CREB1: variants seen among roughly 807,000 people sequenced by gnomAD.
CREB1 encodes cAMP responsive element binding protein 1, also known as cyclic AMP-responsive element-binding protein 1.
CREB1 carries 2 observed loss-of-function variants against 42.0 expected under a neutral mutation model. That is an observed-to-expected ratio of 0.05 (90% CI 0.02 to 0.15). The LOEUF is 0.15. CREB1 is among the 10% of genes least tolerant of loss of function. The pLI, the probability that CREB1 is intolerant of heterozygous loss-of-function variation, is 1.00. For synonymous variants in CREB1, 123 were observed against 139.9 expected (o/e 0.88, Z 0.85); for missense variants, 199 against 388.9 (o/e 0.51, Z 4.11).
Position 207,598,728 on chromosome 2 carries a change from T to C in CREB1, c.*1670T>C, listed in dbSNP as rs900464131. 1.3e-4 allele frequency: 22 copies of C among 164,442 alleles called. No homozygotes were observed. The highest frequency in any genetic ancestry group is 4.3e-4 in the African/African-American group (18 of 41,792). 10.2% of individuals were successfully genotyped at this position (164,442 alleles called of 1,614,324 possible). A position where few individuals can be genotyped will look rare whatever the true frequency, so the allele number is the denominator to read the frequency against. On this transcript the variant is annotated 3_prime_UTR_variant, in exon 8 of 8. Coordinates refer to ENST00000353267, the MANE Select transcript of CREB1 (RefSeq NM_004379.5). ...CAGGCGTGGTGGCTGGCGCCTGTAA[T>C]CCCAGCTACTCAGGAGGTTGAGGCA...
At position 207,604,095 on chromosome 2, in the gene CREB1, A is replaced by C. The variant is rs2087626587; in HGVS notation, c.*7037A>C. On this transcript the variant is annotated 3_prime_UTR_variant, in exon 8 of 8. Coordinates refer to ENST00000353267, the MANE Select transcript of CREB1 (RefSeq NM_004379.5). The stretch of plus-strand genomic sequence containing the variant: ...ATTAATTACATGAGGGACAATAGGC[A>C]TGAACTAGGATTGTTCTAAGCAAAT... 6.6e-6 allele frequency among the ~76,000 whole-genome samples: 1 copy of C among 152,222 alleles called. No homozygotes were observed. The highest frequency in any genetic ancestry group is 2.4e-5 in the African/African-American group (1 of 41,460).
At chr2:207,533,213 A>AT (rs35303892) in intron 1 of CREB1, among the ~76,000 whole-genome samples, 33,141 of 150,044 alleles carry the variant, frequency 0.22, 3,601 homozygotes, top group South Asian at 0.26. Flanking sequence ...GTTTTGAATG[A>AT]TTTTTTTTTT....
At chr2:207,591,100 C>T (rs1374598885) in intron 7 of CREB1, among the ~76,000 whole-genome samples, 1 of 152,162 alleles carries the variant, frequency 6.6e-6, no homozygotes, top group African/African-American at 2.4e-5. Context: ...AGTATCATAT[C>T]AATGTCAGAT....
chr2:207,571,298 C>T (rs960820851), intron 5 of CREB1, among the ~76,000 whole-genome samples: 2 of 151,752 alleles, frequency 1.3e-5, no homozygotes, highest in African/African-American at 4.8e-5. Flanking sequence ...TCACTTGAGC[C>T]ATCCAGGAGT....
At chr2:207,580,248 A>G (rs1319471694) in intron 7 of CREB1, among the ~76,000 whole-genome samples, 1 of 152,178 alleles carries the variant, frequency 6.6e-6, no homozygotes, top group Admixed American at 6.5e-5. Context: ...AAACCTGTAA[A>G]CATGCTACTT....
chr2:207,546,891 C>G (rs1458049963), intron 1 of CREB1, among the ~76,000 whole-genome samples: 1 of 152,112 alleles, frequency 6.6e-6, no homozygotes, highest in Non-Finnish European at 1.5e-5. Context: ...TTTTCCTTTG[C>G]TGTTTGACTA....
intron 7 of CREB1, among the ~76,000 whole-genome samples, chr2:207,587,710 CAT>C (rs2084144935): frequency 1.3e-5 from 2 of 152,148 alleles, no homozygotes; most frequent in Non-Finnish European, 2.9e-5. Flanking sequence ...ATAAATACCA[CAT>C]GTTCTCACTC....
chr2:207,601,794 C>A lies in CREB1; in HGVS notation c.*4736C>A, dbSNP rs1208147919. On this transcript the variant is annotated 3_prime_UTR_variant, in exon 8 of 8. Transcript: ENST00000353267. Reference sequence around the variant, plus strand: ...AGAAAGTAAAGTGTGCATAGTAAGGCTGTAGGTGAAGAGTTGTGAGATAAA... The same window carrying A: ...AGAAAGTAAAGTGTGCATAGTAAGGATGTAGGTGAAGAGTTGTGAGATAAA... 4.6e-6 allele frequency: 1 copy of A among 218,734 alleles called. No individual in the cohort carries two copies. The highest frequency in any genetic ancestry group is 9.2e-6 in the Non-Finnish European group (1 of 109,036). 13.5% of individuals were successfully genotyped at this position (218,734 alleles called of 1,614,324 possible).
intron 1 of CREB1, among the ~76,000 whole-genome samples, chr2:207,548,869 G>A (rs1325020826): frequency 6.6e-6 from 1 of 152,070 alleles, no homozygotes; most frequent in East Asian, 1.9e-4. Context: ...GTTTATAAAA[G>A]TAAACAAATT....
chr2:207,580,745 A>C (rs1046663949), intron 7 of CREB1: 1 of 224,656 alleles, frequency 4.5e-6, no homozygotes, highest in Non-Finnish European at 8.9e-6. Flanking sequence ...ACAACCACGA[A>C]TCTCAGTGTC....
In CREB1 at chr2:207,535,083, C is replaced by A. The variant is rs533612751; in HGVS notation, c.-9+4949C>A. Among the ~76,000 whole-genome samples, 26 of 152,202 alleles carry A rather than the reference C, an allele frequency of 1.7e-4. No individual in the cohort carries two copies. In the South Asian group the frequency reaches 4.2e-3, roughly 24 times the overall value. The stretch of plus-strand genomic sequence containing the variant: ...GCTTTTATTCTTAGGTCTTATATTA[C>A]CTTTTAAACTAAGGGAAACTGCCAT... On this transcript the variant is annotated intron_variant, in intron 1 of 7. Transcript: ENST00000353267.
chr2:207,535,345 CA>C (rs1169731830), intron 1 of CREB1, among the ~76,000 whole-genome samples: 1 of 152,056 alleles, frequency 6.6e-6, no homozygotes, highest in African/African-American at 2.4e-5. Flanking sequence ...CTACTTCTTT[CA>C]ATTATTATTT....
intron 1 of CREB1, among the ~76,000 whole-genome samples, chr2:207,548,924 A>T (rs1253653624): frequency 6.6e-6 from 1 of 152,272 alleles, no homozygotes; most frequent in Non-Finnish European, 1.5e-5. Flanking sequence ...TTTAAATCTT[A>T]TCAAATTCAG....
At chr2:207,595,381 T>C (rs2085942007) in intron 7 of CREB1, among the ~76,000 whole-genome samples, 1 of 152,152 alleles carries the variant, frequency 6.6e-6, no homozygotes, top group Non-Finnish European at 1.5e-5. Flanking sequence ...AATTGGGTTA[T>C]TTTGCTGTTG....
Position 207,596,907 on chromosome 2 carries a change from C to T in CREB1, c.840-7C>T. 6.2e-7 allele frequency: 1 copy of T among 1,600,650 alleles called. No individual in the cohort carries two copies. The highest frequency in any genetic ancestry group is 8.5e-7 in the Non-Finnish European group (1 of 1,176,522). ...GCATAATTTTTCCCGTCCTCTTTTG[C>T]TTGTAGGGAAGCAGCTCGAGAGTGT... is the stretch of plus-strand genomic sequence containing the variant. On this transcript the variant is annotated splice_polypyrimidine_tract_variant and splice_region_variant and intron_variant, in intron 7 of 7. Coordinates refer to ENST00000353267, the MANE Select transcript of CREB1 (RefSeq NM_004379.5).
chr2:207,532,354 C>T (rs1001363386), intron 1 of CREB1, among the ~76,000 whole-genome samples: 4 of 151,402 alleles, frequency 2.6e-5, no homozygotes, highest in African/African-American at 9.7e-5. Context: ...GAATATATGA[C>T]TCTTCATTTG....
At chr2:207,577,412 G>T in intron 6 of CREB1, 93 bp from the exon 7 acceptor site, 1 of 1,483,974 alleles carries the variant, frequency 6.7e-7, no homozygotes, top group Non-Finnish European at 9.1e-7. Context: ...TTCCCTTTTA[G>T]TCCAAAATAC....
At chr2:207,570,346 C>G (rs753834321) in intron 5 of CREB1, 25 bp downstream of exon 5, 4 of 1,563,452 alleles carry the variant, frequency 2.6e-6, no homozygotes, top group South Asian at 1.2e-5. Context: ...ATTTCTGTTT[C>G]TATTGTGAGG....
At chr2:207,562,773 G>A (rs2082003987) in intron 3 of CREB1, among the ~76,000 whole-genome samples, 2 of 152,172 alleles carry the variant, frequency 1.3e-5, no homozygotes, top group African/African-American at 4.8e-5. Flanking sequence ...TCTTCTAGAT[G>A]GGAGACCTCA....
Sources: gnomAD v4.1 joint callset for allele counts (sites outside exome capture counted in the v4.1 genomes callset) on GRCh38, gnomAD v4.1.1 for gene constraint, MANE v1.5 for transcripts, NCBI Gene and HGNC (gene_info 2026-07-23, HGNC 2026-07-21) for gene names.